Variants in HIVEP2 observed in about 807,000 individuals in gnomAD.
The protein encoded by HIVEP2 is HIVEP zinc finger 2.
Under a neutral mutation model 180.7 loss-of-function variants are expected in HIVEP2, and 14 were observed. The ratio of observed to expected loss-of-function variants is 0.08; its 90% CI spans 0.05 to 0.12. The LOEUF is 0.12. Among genes scored for constraint, HIVEP2 ranks in the 10% least tolerant of loss-of-function variants. The pLI is 1.00. For missense variants in HIVEP2, 2,579 were observed against 3,008.5 expected, an observed-to-expected ratio of 0.86 and a Z score of 3.34; for synonymous variants, 1,184 against 1,136.4, an observed-to-expected ratio of 1.04 and a Z score of -0.84.
chr6:142,902,665 T>C lies in HIVEP2; in HGVS notation c.-641+42434A>G, dbSNP rs9386013. Among the ~76,000 whole-genome samples the C allele has an allele frequency of 8.5e-3, 1,302 of 152,318 alleles. 85 individuals are homozygous for C. In the East Asian group the frequency reaches 0.17, roughly 20 times the overall value. On this transcript the variant is annotated intron_variant, in intron 1 of 9. Coordinates refer to ENST00000367603, the MANE Select transcript of HIVEP2 (RefSeq NM_006734.4). ...AGTTTTTTCTTTGCTAAAGACAGTG[T>C]GTATATTTCCACTATGACTAGCAAC...
chr6:142,939,542 G>T (rs1778126368), intron 1 of HIVEP2, among the ~76,000 whole-genome samples: 1 of 152,242 alleles, frequency 6.6e-6, no homozygotes, highest in East Asian at 1.9e-4. Flanking sequence ...AGTATGAGGA[G>T]CTCCTGACTC....
At chr6:142,782,406 T>C (rs1775881364) in intron 3 of HIVEP2, among the ~76,000 whole-genome samples, 1 of 152,098 alleles carries the variant, frequency 6.6e-6, no homozygotes, top group Non-Finnish European at 1.5e-5. Flanking sequence ...AGAGCATATA[T>C]GCTCAGAGAG....
chr6:142,756,709 CATA>C (rs1775080277), intron 9 of HIVEP2, among the ~76,000 whole-genome samples: 1 of 150,250 alleles, frequency 6.7e-6, no homozygotes, highest in Non-Finnish European at 1.5e-5. Context: ...AGGCCACAGC[CATA>C]ATATTATTTC....
Position 142,879,292 on chromosome 6 carries a change from G to A in HIVEP2, c.-640-42245C>T, listed in dbSNP as rs182223685. Among the ~76,000 whole-genome samples the A allele has an allele frequency of 3.3e-5, 5 of 152,282 alleles. No homozygotes were observed. The East Asian group carries it at 9.7e-4, about 29-fold the overall frequency. ...AGAGTAATTTGAGTCAGGAGCACCA[G>A]CTAAGAGGCTGTAGTAGACCAGGCA... On this transcript the variant is annotated intron_variant, in intron 1 of 9. Coordinates refer to ENST00000367603, the MANE Select transcript of HIVEP2 (RefSeq NM_006734.4).
In HIVEP2 at chr6:142,773,777, C is replaced by T; in HGVS notation, c.962G>A (p.Gly321Asp). ...AATCAAAATCGGCACCTTCATTGGACCTCCCAATGATTCTTCCAATGACCC... is the reference window on the plus strand; with the variant it reads ...AATCAAAATCGGCACCTTCATTGGATCTCCCAATGATTCTTCCAATGACCC... ...YHGSLEESLGGPMKVPILIIP... is the reference protein window; with the variant it reads ...YHGSLEESLGDPMKVPILIIP... The change falls in exon 5 of 10, where the codon GGT (glycine) becomes GAT (aspartate). Residue 321 changes from glycine (G) to aspartate (D), a missense_variant. Transcript: ENST00000367603. 1.2e-6 allele frequency: 2 copies of T among 1,613,996 alleles called. No individual in the cohort carries two copies. Among genetic ancestry groups the T allele is most frequent in the Non-Finnish European group, 1.7e-6 (2 of 1,180,028 alleles).
chr6:142,809,259 T>C (rs1008669733), intron 2 of HIVEP2, among the ~76,000 whole-genome samples: 6 of 152,118 alleles, frequency 3.9e-5, no homozygotes, highest in Admixed American at 3.3e-4. Context: ...GGTCATCACC[T>C]CTTACTCCTC....
rs759314652 is a variant in HIVEP2 at position 142,773,226 on chromosome 6, G to A, written c.1513C>T (p.Pro505Ser). 1 of 1,614,184 alleles carries A rather than the reference G, an allele frequency of 6.2e-7. No homozygotes were observed. Among genetic ancestry groups the A allele is most frequent in the Non-Finnish European group, 8.5e-7 (1 of 1,180,018 alleles). Reference protein sequence around the residue: ...STKFNSESRQPQIIPSSIRNE... With the variant: ...STKFNSESRQSQIIPSSIRNE... ...CTGATAGATGATGGAATAATCTGGGGTTGTCTGGACTCACTGTTGAACTTA... is the reference window on the plus strand; with the variant it reads ...CTGATAGATGATGGAATAATCTGGGATTGTCTGGACTCACTGTTGAACTTA... Residue 505 changes from proline to serine, a missense_variant, in exon 5 of 10, where the codon CCC becomes TCC. Pro to Ser is a moderately conservative substitution (Grantham distance 74, BLOSUM62 -1). Transcript: ENST00000367603.
At chr6:142,808,992 G>C (rs1475489756) in intron 2 of HIVEP2, among the ~76,000 whole-genome samples, 1 of 151,998 alleles carries the variant, frequency 6.6e-6, no homozygotes, top group East Asian at 1.9e-4. Context: ...GCTCCTGAAG[G>C]CTGAATTATA....
chr6:142,922,443 C>T (rs931081744), intron 1 of HIVEP2, among the ~76,000 whole-genome samples: 3 of 152,092 alleles, frequency 2.0e-5, no homozygotes, highest in African/African-American at 7.2e-5. Context: ...TATAAATAAC[C>T]ACATAAGTAT....
At chr6:142,829,498 T>C (rs198662) in intron 2 of HIVEP2, among the ~76,000 whole-genome samples, 6,994 of 152,288 alleles carry the variant, frequency 0.046, 219 homozygotes, top group Non-Finnish European at 0.07. Context: ...ACATTTTATT[T>C]ATACATCTCT....
At chr6:142,909,669 C>T (rs1427870259) in intron 1 of HIVEP2, among the ~76,000 whole-genome samples, 1 of 152,166 alleles carries the variant, frequency 6.6e-6, no homozygotes, top group African/African-American at 2.4e-5. Context: ...CAAACCTACT[C>T]ATTTATTTAT....
chr6:142,888,118 A>G (rs1776755251), intron 1 of HIVEP2, among the ~76,000 whole-genome samples: 1 of 152,208 alleles, frequency 6.6e-6, no homozygotes, highest in South Asian at 2.1e-4. Context: ...TCACTATCCT[A>G]CGCCCAGTCA....
intron 1 of HIVEP2, among the ~76,000 whole-genome samples, chr6:142,895,392 G>A (rs150895378): frequency 1.3e-5 from 2 of 151,934 alleles, no homozygotes; most frequent in East Asian, 3.9e-4. Flanking sequence ...GATGTAGGAT[G>A]GTATGTATAG....
chr6:142,839,098 A>G (rs1775297766), intron 1 of HIVEP2, among the ~76,000 whole-genome samples: 1 of 152,156 alleles, frequency 6.6e-6, no homozygotes, highest in Admixed American at 6.6e-5. Context: ...TGATTCAGCT[A>G]AATGACTGTA....
chr6:142,818,761 GAAAGAAAGAA>G (rs1776935268), intron 2 of HIVEP2, among the ~76,000 whole-genome samples: 1 of 113,336 alleles, frequency 8.8e-6, no homozygotes, highest in Non-Finnish European at 1.9e-5. Flanking sequence ...AAGAAAGAAA[GAAAGAAAGAA>G]AGAAAGAAAG....
intron 5 of HIVEP2, 51 bp from the exon 6 acceptor site, chr6:142,768,587 GA>G (rs765173083): frequency 6.4e-7 from 1 of 1,573,336 alleles, no homozygotes; most frequent in Non-Finnish European, 8.7e-7. Context: ...CAAGACACAG[GA>G]GCCCCTATGT....
Position 142,771,417 on chromosome 6 carries a change from G to A in HIVEP2, c.3322C>T (p.Leu1108=), listed in dbSNP as rs1326562943. The A allele has an allele frequency of 6.2e-7, 1 of 1,613,466 alleles. No individual in the cohort carries two copies. The highest frequency in any genetic ancestry group is 1.7e-5 in the Admixed American group (1 of 60,026). The stretch of plus-strand genomic sequence containing the variant: ...CGGAGGCCAGCATGCAGGTGCTCCA[G>A]CTGCTCTTGCTTCACGCTCTGATCC... ...GMDQSVKQEQ[L]EHLHAGLRSG... The change falls in exon 5 of 10, where the codon CTG becomes TTG. Residue 1108 remains leucine, a synonymous_variant. Transcript: ENST00000367603. This position sits in a 1 kb window ranked among gnomAD's most constrained non-coding sequence, Gnocchi z 5.4.
At chr6:142,865,895 T>G (rs1582925059) in intron 1 of HIVEP2, among the ~76,000 whole-genome samples, 2 of 152,334 alleles carry the variant, frequency 1.3e-5, no homozygotes, top group East Asian at 3.9e-4. Context: ...TCAGTTACAC[T>G]TCTAGGCCAT....
In HIVEP2 at chr6:142,823,919, T is replaced by C. The variant is rs1026100955; in HGVS notation, c.-528+13016A>G. ...TTTTGAATTTTAAATGTTTTATTCA[T>C]TCATTTTAATATAGATTTATTTACC... On this transcript the variant is annotated intron_variant, in intron 2 of 9. Coordinates refer to ENST00000367603, the MANE Select transcript of HIVEP2 (RefSeq NM_006734.4). Among the ~76,000 whole-genome samples, 10 of 152,342 alleles carry C rather than the reference T, an allele frequency of 6.6e-5. No homozygotes were observed. The East Asian group carries it at 1.7e-3, about 26-fold the overall frequency.
Sources: gnomAD v4.1 joint callset for allele counts (sites outside exome capture counted in the v4.1 genomes callset) on GRCh38, gnomAD v4.1.1 for gene constraint, Gnocchi (gnomAD v3.1) non-coding constraint, MANE v1.5 for transcripts, NCBI Gene and HGNC (gene_info 2026-07-23, HGNC 2026-07-21) for gene names.